Variants in CDK6 observed in about 807,000 individuals in gnomAD.
The protein encoded by CDK6 is cyclin-dependent kinase 6.
In CDK6, 6 loss-of-function variants were observed where a neutral mutation model predicts 37.1. The observed-to-expected ratio is 0.16, with a 90% confidence interval of 0.09 to 0.32. CDK6 has a LOEUF of 0.32. Ranked by LOEUF, CDK6 falls within the 10% of genes least tolerant of loss-of-function variation. The probability of loss-of-function intolerance (pLI) is 1.00; values close to 1 mark genes in which losing one functional copy is unlikely to be tolerated. For missense variants in CDK6, 224 were observed against 418.9 expected (o/e 0.53, Z 4.06); for synonymous variants, 160 against 161.3 (o/e 0.99, Z 0.06).
At chr7:92,698,167 G>A (rs1797763538) in intron 4 of CDK6, among the ~76,000 whole-genome samples, 4 of 152,158 alleles carry the variant, frequency 2.6e-5, no homozygotes, top group Admixed American at 2.6e-4. Context: ...GTTTTCTGAA[G>A]CAGCTTCTAT....
In CDK6 at chr7:92,644,018, C is replaced by T. The variant is rs543170367; in HGVS notation, c.648-20932G>A. Among the ~76,000 whole-genome samples, 5 of 152,270 alleles carry T rather than the reference C, an allele frequency of 3.3e-5. No individual in the cohort carries two copies. The East Asian group carries it at 9.6e-4, about 29-fold the overall frequency. ...AGGAAACCAGGCCAAACTTGCTGTT[C>T]ACGTGGACCCTTACAGGGAGAATGG... is the stretch of plus-strand genomic sequence containing the variant. On this transcript the variant is annotated intron_variant, in intron 5 of 7. Coordinates refer to ENST00000424848, the MANE Select transcript of CDK6 (RefSeq NM_001145306.2).
At chr7:92,733,564 C>A (rs1002340032) in intron 3 of CDK6, among the ~76,000 whole-genome samples, 9 of 152,084 alleles carry the variant, frequency 5.9e-5, no homozygotes, top group African/African-American at 2.2e-4. Context: ...GATCTATTGG[C>A]AATGTAGATC....
At chr7:92,700,864 A>G (rs1374614618) in intron 4 of CDK6, among the ~76,000 whole-genome samples, 1 of 152,254 alleles carries the variant, frequency 6.6e-6, no homozygotes, top group Non-Finnish European at 1.5e-5. Context: ...GCATGCATGT[A>G]CCCGAAGATG....
At chr7:92,674,173 C>T (rs1797154842) in intron 4 of CDK6, among the ~76,000 whole-genome samples, 1 of 151,648 alleles carries the variant, frequency 6.6e-6, no homozygotes, top group South Asian at 2.1e-4. Flanking sequence ...TATCCCATCG[C>T]TCTTGTCTCC....
At position 92,833,929 on chromosome 7, in the gene CDK6, T is replaced by G. The variant is rs1419696224; in HGVS notation, c.-367-239A>C. The G allele has an allele frequency of 1.0e-5, 4 of 398,538 alleles. No individual in the cohort carries two copies. The highest frequency in any genetic ancestry group is 1.8e-5 in the Non-Finnish European group (4 of 226,216). The allele number at this position is 398,538 out of a possible 1,614,324, so 24.7% of individuals were successfully genotyped here. A position where few individuals can be genotyped will look rare whatever the true frequency, so the allele number is the denominator to read the frequency against. ...CGCGCGGAGAGGTTGCAGGGGCCCC[T>G]CGGGGATGAGCGAGCGGCGCGGGAC... On this transcript the variant is annotated intron_variant, in intron 1 of 7. Coordinates refer to ENST00000424848, the MANE Select transcript of CDK6 (RefSeq NM_001145306.2). This position sits in a 1 kb window ranked among gnomAD's most constrained non-coding sequence, Gnocchi z 6.1.
At position 92,787,384 on chromosome 7, in the gene CDK6, C is replaced by T. The variant is rs532553850; in HGVS notation, c.234-12553G>A. Reference sequence around the variant, plus strand: ...TCAGATTTTTTTCTCCTACCACTCACGTACTTTTCTTCAATCTGTTCCTCT... The same window carrying T: ...TCAGATTTTTTTCTCCTACCACTCATGTACTTTTCTTCAATCTGTTCCTCT... On this transcript the variant is annotated intron_variant, in intron 2 of 7. Transcript: ENST00000424848. Among the ~76,000 whole-genome samples the T allele has an allele frequency of 7.8e-4, 119 of 152,136 alleles. 1 individual carries two copies. The highest frequency in any genetic ancestry group is 5.8e-3 in the South Asian group (28 of 4,824).
intron 6 of CDK6, among the ~76,000 whole-genome samples, chr7:92,619,417 C>T (rs1219871808): frequency 6.6e-6 from 1 of 151,948 alleles, no homozygotes; most frequent in Non-Finnish European, 1.5e-5. Flanking sequence ...TAACTCTGAA[C>T]CAAAAATAAA....
At chr7:92,782,988 TA>T (rs1477226921) in intron 2 of CDK6, among the ~76,000 whole-genome samples, 1 of 152,128 alleles carries the variant, frequency 6.6e-6, no homozygotes, top group Non-Finnish European at 1.5e-5. Flanking sequence ...CTATTCACCT[TA>T]AATGGCTCCT....
chr7:92,744,845 A>G (rs1314121472), intron 3 of CDK6, among the ~76,000 whole-genome samples: 1 of 152,150 alleles, frequency 6.6e-6, no homozygotes, highest in Non-Finnish European at 1.5e-5. Context: ...AGTAAGACAA[A>G]AAGTGTATAG....
intron 2 of CDK6, among the ~76,000 whole-genome samples, chr7:92,794,656 T>TC (rs1562967167): frequency 6.6e-6 from 1 of 152,014 alleles, no homozygotes; most frequent in Non-Finnish European, 1.5e-5. Flanking sequence ...TGTCTCCCCT[T>TC]CCACCCTCCC....
intron 5 of CDK6, among the ~76,000 whole-genome samples, chr7:92,670,973 C>T (rs1797059604): frequency 6.6e-6 from 1 of 152,176 alleles, no homozygotes; most frequent in Non-Finnish European, 1.5e-5. Context: ...CACTGACATC[C>T]CCACTGCCTA....
At chr7:92,817,329 A>G (rs1801055809) in intron 2 of CDK6, among the ~76,000 whole-genome samples, 1 of 152,038 alleles carries the variant, frequency 6.6e-6, no homozygotes, top group Non-Finnish European at 1.5e-5. Flanking sequence ...GGTTTATCCC[A>G]GGAATGTGAG....
chr7:92,714,848 G>T (rs974685553), intron 4 of CDK6, among the ~76,000 whole-genome samples: 1 of 151,356 alleles, frequency 6.6e-6, no homozygotes, highest in African/African-American at 2.4e-5. Context: ...TAGTTTTCTG[G>T]AACTAGGTTA....
At chr7:92,770,728 A>G (rs1799693458) in intron 3 of CDK6, among the ~76,000 whole-genome samples, 1 of 152,042 alleles carries the variant, frequency 6.6e-6, no homozygotes. Flanking sequence ...GACACCATGG[A>G]GCATCCTAGT....
intron 3 of CDK6, among the ~76,000 whole-genome samples, chr7:92,735,086 T>C (rs960370574): frequency 3.3e-5 from 5 of 152,188 alleles, no homozygotes; most frequent in Middle Eastern, 3.2e-3. Flanking sequence ...AATTGGACTA[T>C]TGGCCAAATC....
At chr7:92,624,900 T>C (rs918104318) in intron 5 of CDK6, among the ~76,000 whole-genome samples, 6 of 152,070 alleles carry the variant, frequency 3.9e-5, no homozygotes, top group African/African-American at 1.4e-4. Context: ...GTACTGGAGA[T>C]GTTACATGGC....
intron 3 of CDK6, among the ~76,000 whole-genome samples, chr7:92,743,741 T>C (rs558634120): frequency 1.3e-5 from 2 of 152,310 alleles, no homozygotes; most frequent in East Asian, 3.9e-4. Context: ...GAAACACAAA[T>C]GGTCTATCCA....
intron 5 of CDK6, among the ~76,000 whole-genome samples, chr7:92,643,799 T>A (rs1796374695): frequency 6.6e-6 from 1 of 152,228 alleles, no homozygotes; most frequent in South Asian, 2.1e-4. Context: ...GGACACTTAC[T>A]ATTCAGTCTA....
intron 2 of CDK6, among the ~76,000 whole-genome samples, chr7:92,802,366 A>G (rs1263197622): frequency 6.6e-6 from 1 of 152,214 alleles, no homozygotes; most frequent in African/African-American, 2.4e-5. Flanking sequence ...CAATATTCTA[A>G]TATAACTATC....
Sources: gnomAD v4.1 joint callset for allele counts (sites outside exome capture counted in the v4.1 genomes callset) on GRCh38, gnomAD v4.1.1 for gene constraint, Gnocchi (gnomAD v3.1) non-coding constraint, MANE v1.5 for transcripts, NCBI Gene and HGNC (gene_info 2026-07-23, HGNC 2026-07-21) for gene names.